The following NEK5 variants were observed in gnomAD, a reference collection of about 807,000 sequenced individuals.
NEK5 encodes NIMA related kinase 5, also known as serine/threonine-protein kinase Nek5.
Under a neutral mutation model 109.2 loss-of-function variants are expected in NEK5, and 88 were observed. The ratio of observed to expected loss-of-function variants is 0.81; its 90% CI spans 0.68 to 0.96. NEK5 has a LOEUF of 0.96. NEK5 is among the 40% of genes least tolerant of loss of function. The pLI is 0.00. For synonymous variants in NEK5, 283 were observed against 299.9 expected (o/e 0.94, Z 0.58); for missense variants, 834 against 920.7 (o/e 0.91, Z 1.22).
chr13:52,052,148 G>C (rs899956398), intron 22 of NEK5, among the ~76,000 whole-genome samples: 1 of 146,596 alleles, frequency 6.8e-6, no homozygotes, highest in Non-Finnish European at 1.5e-5. Context: ...CCAAACCAAG[G>C]TACAATTTAC....
At chr13:52,101,823 A>G in intron 11 of NEK5, 110 bp downstream of exon 11, 1 of 916,842 alleles carries the variant, frequency 1.1e-6, no homozygotes, top group Non-Finnish European at 1.8e-6. Flanking sequence ...TACTGCTTGT[A>G]TTTTTTAAAA....
chr13:52,080,769 T>A (rs1295514193), intron 17 of NEK5, among the ~76,000 whole-genome samples: 1 of 151,646 alleles, frequency 6.6e-6, no homozygotes, highest in Non-Finnish European at 1.5e-5. Context: ...GGCCGCAGGG[T>A]CCTCTGCCTA....
At chr13:52,064,352 T>G (rs938587826) in intron 21 of NEK5, among the ~76,000 whole-genome samples, 4 of 86,288 alleles carry the variant, frequency 4.6e-5, no homozygotes, top group Non-Finnish European at 6.8e-5. Context: ...AGGAGGGAGG[T>G]GGGGGGGTCA....
chr13:52,091,905 G>A (rs750031930), intron 13 of NEK5, among the ~76,000 whole-genome samples: 9 of 151,998 alleles, frequency 5.9e-5, no homozygotes, highest in East Asian at 1.9e-4. Context: ...CATAAATGCC[G>A]AATGAAATAT....
chr13:52,068,162 C>T (rs1370243087), intron 20 of NEK5, among the ~76,000 whole-genome samples: 1 of 152,106 alleles, frequency 6.6e-6, no homozygotes, highest in African/African-American at 2.4e-5. Flanking sequence ...GAAATGGCAA[C>T]CCTCTTGGGT....
rs1954350397 is a variant in NEK5, at chr13:52,035,285, T to TAAGAC, written c.*1658_*1662dup. ...AACTGGATGTACCTCAGGTGACTCCTAAGACTTGCATTCTCCACATTTAAT... is the reference window on the plus strand; with the variant it reads ...AACTGGATGTACCTCAGGTGACTCCTAAGACAAGACTTGCATTCTCCACATTTAAT... On this transcript the variant is annotated 3_prime_UTR_variant, in exon 24 of 24. Coordinates refer to ENST00000684899, the MANE Select transcript of NEK5 (RefSeq NM_001365552.1). 1 of 152,250 alleles carries TAAGAC rather than the reference T, an allele frequency of 6.6e-6. No individual in the cohort carries two copies. The highest frequency in any genetic ancestry group is 6.5e-5 in the Admixed American group (1 of 15,282). The allele number at this position is 152,250 out of a possible 1,614,324, so 9.4% of individuals were successfully genotyped here.
intron 11 of NEK5, among the ~76,000 whole-genome samples, chr13:52,101,174 G>A (rs980384506): frequency 1.3e-4 from 20 of 152,122 alleles, no homozygotes; most frequent in African/African-American, 2.7e-4. Flanking sequence ...AGAGGCGGGC[G>A]GATCACGAGG....
rs535156084 is a variant in NEK5 at position 52,108,138 on chromosome 13, G to A, written c.554+180C>T. Among the ~76,000 whole-genome samples the A allele has an allele frequency of 1.6e-4, 24 of 152,134 alleles. No homozygotes were observed. The South Asian group carries it at 3.7e-3, about 24-fold the overall frequency. ...GTTCATCTGCATCTCGTATTGGACC[G>A]CGAGAAATAGCAACCCAACCCTCAG... On this transcript the variant is annotated intron_variant, in intron 8 of 23. Coordinates refer to ENST00000684899, the MANE Select transcript of NEK5 (RefSeq NM_001365552.1).
Position 52,061,906 on chromosome 13 carries a change from ACTGTTTC to A in NEK5, c.2016_2022del (p.Arg672SerfsTer10). 2.0e-6 allele frequency: 2 copies of A among 978,288 alleles called. No individual in the cohort carries two copies. Among genetic ancestry groups the A allele is most frequent in the Non-Finnish European group, 1.2e-6 (1 of 822,988 alleles). 60.6% of individuals were successfully genotyped at this position (978,288 alleles called of 1,614,324 possible). A position where few individuals can be genotyped will look rare whatever the true frequency, so the allele number is the denominator to read the frequency against. On this transcript the variant is annotated frameshift_variant, in exon 22 of 24. Coordinates refer to ENST00000684899, the MANE Select transcript of NEK5 (RefSeq NM_001365552.1). LOFTEE classifies it high-confidence loss of function. ...AAAGTTCCTGGAGCTTCATGCCGCC[ACTGTTTC>A]CTGTTTCCTGGAATGCCTTCAATCA...
chr13:52,042,334 A>G (rs2140887776), intron 23 of NEK5, among the ~76,000 whole-genome samples: 1 of 151,434 alleles, frequency 6.6e-6, no homozygotes, highest in East Asian at 1.9e-4. Flanking sequence ...ATGATAAACT[A>G]AATTGGCAAA....
intron 3 of NEK5, among the ~76,000 whole-genome samples, chr13:52,123,876 A>G (rs1413595518): frequency 6.8e-6 from 1 of 147,948 alleles, no homozygotes; most frequent in Non-Finnish European, 1.5e-5. Context: ...ATCAGCAGGC[A>G]ACGACCTTGG....
chr13:52,108,289 C>T (rs1344268721), intron 8 of NEK5, 29 bp downstream of exon 8: 3 of 1,327,746 alleles, frequency 2.3e-6, no homozygotes, highest in Non-Finnish European at 2.2e-6. Flanking sequence ...ATTTTACTGA[C>T]ACTTTCAAAC....
intron 14 of NEK5, 148 bp downstream of exon 14, chr13:52,089,099 C>CAACAACAACAAT: frequency 1.7e-6 from 1 of 598,396 alleles, no homozygotes; most frequent in East Asian, 3.0e-5. Flanking sequence ...CAGAAAACAA[C>CAACAACAACAAT]AACAACAAAA....
intron 9 of NEK5, among the ~76,000 whole-genome samples, chr13:52,104,292 T>C (rs983457438): frequency 1.7e-4 from 26 of 152,236 alleles, no homozygotes; most frequent in African/African-American, 6.3e-4. Context: ...GGAAATATGC[T>C]ACACATACTA....
intron 7 of NEK5, 38 bp from the exon 8 acceptor site, chr13:52,108,442 T>A: frequency 3.9e-6 from 5 of 1,290,966 alleles, no homozygotes; most frequent in Non-Finnish European, 5.6e-6. Flanking sequence ...AGCATGATTT[T>A]TTATTGGAGT....
At chr13:52,112,232 A>G (rs1343270220) in intron 5 of NEK5, 36 bp downstream of exon 5, 1 of 1,114,570 alleles carries the variant, frequency 9.0e-7, no homozygotes, top group South Asian at 1.3e-5. Flanking sequence ...CCCACCACAC[A>G]TACATAAAAT....
At chr13:52,096,691 TA>T (rs1181373846) in intron 12 of NEK5, among the ~76,000 whole-genome samples, 1 of 152,102 alleles carries the variant, frequency 6.6e-6, no homozygotes, top group African/African-American at 2.4e-5. Context: ...AGCTTATACT[TA>T]AAAGAGAAGC....
chr13:52,105,996 A>G (rs1955645444), intron 8 of NEK5, among the ~76,000 whole-genome samples: 1 of 152,116 alleles, frequency 6.6e-6, no homozygotes, highest in Non-Finnish European at 1.5e-5. Context: ...CACCATATCC[A>G]GCAGCATTTA....
intron 23 of NEK5, among the ~76,000 whole-genome samples, chr13:52,045,286 C>A (rs867468639): frequency 6.6e-6 from 1 of 150,544 alleles, no homozygotes; most frequent in Non-Finnish European, 1.5e-5. Context: ...CCTGCCCCCA[C>A]GCCCGGCTAA....
Sources: gnomAD v4.1 joint callset for allele counts (sites outside exome capture counted in the v4.1 genomes callset) on GRCh38, gnomAD v4.1.1 for gene constraint, MANE v1.5 for transcripts, NCBI Gene and HGNC (gene_info 2026-07-23, HGNC 2026-07-21) for gene names.